The following SLC26A2 variants were observed in gnomAD, a reference collection of about 807,000 sequenced individuals.
SLC26A2 encodes the protein solute carrier family 26 member 2.
In SLC26A2, 36 loss-of-function variants were observed where a neutral mutation model predicts 41.1. That is an observed-to-expected ratio of 0.88 (90% CI 0.67 to 1.16). The LOEUF (loss-of-function observed/expected upper bound fraction) is 1.16, where lower values mean the gene tolerates loss of function less well. SLC26A2 is among the 50% of genes most tolerant of loss of function. The pLI, the probability that SLC26A2 is intolerant of heterozygous loss-of-function variation, is 0.00. For missense variants in SLC26A2, 796 were observed against 869.6 expected (o/e 0.92, Z 1.07); for synonymous variants, 291 against 311.6 (o/e 0.93, Z 0.70).
At chr5:149,970,130 C>A (rs959888328) in intron 1 of SLC26A2, among the ~76,000 whole-genome samples, 1 of 151,948 alleles carries the variant, frequency 6.6e-6, no homozygotes. Flanking sequence ...AAAATAAAGC[C>A]AGATAAGGAT....
chr5:149,980,295 AGCGATGG>A lies in SLC26A2; in HGVS notation c.705_711del (p.Met236SerfsTer16), dbSNP rs386833508. 2 of 1,613,026 alleles carry A rather than the reference AGCGATGG, an allele frequency of 1.2e-6. No homozygotes were observed. Among genetic ancestry groups the A allele is most frequent in the Admixed American group, 3.3e-5 (2 of 60,000 alleles). On this transcript the variant is annotated frameshift_variant, in exon 3 of 3. Coordinates refer to ENST00000286298, the MANE Select transcript of SLC26A2 (RefSeq NM_000112.4). LOFTEE classifies it high-confidence loss of function. ...CACTTCTATATCCTTCCTTCCAGGT[AGCGATGG>A]GCTTCTTTCAAGTGGGTTTTGTTTC...
chr5:149,961,285 C>T (rs181216617), intron 1 of SLC26A2, among the ~76,000 whole-genome samples: 31 of 152,316 alleles, frequency 2.0e-4, no homozygotes, highest in Admixed American at 5.2e-4. Context: ...TTCCAGTCCT[C>T]GTTGATCCGT....
chr5:149,979,490 C>T (rs30831), intron 2 of SLC26A2, among the ~76,000 whole-genome samples: 25,352 of 152,010 alleles, frequency 0.17, 2,576 homozygotes, highest in Middle Eastern at 0.31. Context: ...GTGATCCTCC[C>T]AATATTGCCT....
chr5:149,963,726 A>G (rs1056739490), intron 1 of SLC26A2, among the ~76,000 whole-genome samples: 5 of 125,004 alleles, frequency 4.0e-5, no homozygotes, highest in African/African-American at 6.4e-5. Context: ...GCTATTTTGC[A>G]TATTTGTTTA....
rs201704317 is a variant in SLC26A2, at chr5:149,968,736, T to G, written c.-26+7757T>G. Among the ~76,000 whole-genome samples, 13 of 143,208 alleles carry G rather than the reference T, an allele frequency of 9.1e-5. No individual in the cohort carries two copies. The East Asian group carries it at 2.8e-3, about 31-fold the overall frequency. The allele number at this position is 143,208 out of a possible 152,430, so 94.0% of individuals were successfully genotyped here. ...TGCCCGGCCTCAACTGTCTTTTTTT[T>G]GAGACGGACTCTCGGTCTGTTGCCG... On this transcript the variant is annotated intron_variant, in intron 1 of 2. Coordinates refer to ENST00000286298, the MANE Select transcript of SLC26A2 (RefSeq NM_000112.4).
In SLC26A2 at chr5:149,984,088, G is replaced by A. The variant is rs981675373; in HGVS notation, c.*2275G>A. On this transcript the variant is annotated 3_prime_UTR_variant, in exon 3 of 3. Coordinates refer to ENST00000286298, the MANE Select transcript of SLC26A2 (RefSeq NM_000112.4). ...ATAACAGGATTTGACCTTTACCAGC[G>A]ATTTCTGTCCATATGTGGATGTAAA... 7.9e-5 allele frequency: 12 copies of A among 152,170 alleles called. No individual in the cohort carries two copies. Among genetic ancestry groups the A allele is most frequent in the African/African-American group, 2.4e-4 (10 of 41,440 alleles). 9.4% of individuals were successfully genotyped at this position (152,170 alleles called of 1,614,324 possible). A position where few individuals can be genotyped will look rare whatever the true frequency, so the allele number is the denominator to read the frequency against.
rs370762894 is a variant in SLC26A2, at chr5:149,964,900, AT to A, written c.-26+3929del. Among the ~76,000 whole-genome samples, 942 of 152,276 alleles carry A rather than the reference AT, an allele frequency of 6.2e-3. 4 individuals are homozygous for A. Among genetic ancestry groups the A allele is most frequent in the Non-Finnish European group, 0.01 (705 of 68,020 alleles). ...AGTCCACAGTTATTTCAAAATAAAA[AT>A]TTTTTTTAAATGTAGGTTCAATAAA... On this transcript the variant is annotated intron_variant, in intron 1 of 2. Coordinates refer to ENST00000286298, the MANE Select transcript of SLC26A2 (RefSeq NM_000112.4).
At position 149,984,747 on chromosome 5, in the gene SLC26A2, A is replaced by C. The variant is rs1755166277; in HGVS notation, c.*2934A>C. ...CTTTAAGCATTATTTTAAACACTATATTGATACAAAAATATCTTGCTTACT... is the reference window on the plus strand; with the variant it reads ...CTTTAAGCATTATTTTAAACACTATCTTGATACAAAAATATCTTGCTTACT... On this transcript the variant is annotated 3_prime_UTR_variant, in exon 3 of 3. Transcript: ENST00000286298. The C allele has an allele frequency of 1.3e-5, 2 of 152,262 alleles. No homozygotes were observed. Among genetic ancestry groups the C allele is most frequent in the African/African-American group, 2.4e-5 (1 of 41,472 alleles). 9.4% of individuals were successfully genotyped at this position (152,262 alleles called of 1,614,324 possible). A position where few individuals can be genotyped will look rare whatever the true frequency, so the allele number is the denominator to read the frequency against.
chr5:149,980,882 T>TC lies in SLC26A2; in HGVS notation c.1290dup (p.Phe431LeufsTer7). ...GGCTTTTGTAATATCATCCCTTCCTTCTTCCACTGTTTTACTACTAGTGCA... is the reference window on the plus strand; with the variant it reads ...GGCTTTTGTAATATCATCCCTTCCTTCCTTCCACTGTTTTACTACTAGTGCA... On this transcript the variant is annotated frameshift_variant, in exon 3 of 3. Transcript: ENST00000286298. LOFTEE classifies it high-confidence loss of function. 6.2e-7 allele frequency: 1 copy of TC among 1,614,162 alleles called. No homozygotes were observed. The highest frequency in any genetic ancestry group is 1.1e-5 in the South Asian group (1 of 91,070).
intron 1 of SLC26A2, among the ~76,000 whole-genome samples, chr5:149,975,733 A>T (rs1174721441): frequency 6.6e-6 from 1 of 152,242 alleles, no homozygotes; most frequent in African/African-American, 2.4e-5. Context: ...ACTTTTACAT[A>T]TCTTGTGTTC....
In SLC26A2 at chr5:149,986,279, T is replaced by C. The variant is rs1446656996; in HGVS notation, c.*4466T>C. 6.6e-6 allele frequency: 1 copy of C among 152,206 alleles called. No homozygotes were observed. The highest frequency in any genetic ancestry group is 2.4e-5 in the African/African-American group (1 of 41,462). The allele number at this position is 152,206 out of a possible 1,614,324, so 9.4% of individuals were successfully genotyped here. The stretch of plus-strand genomic sequence containing the variant: ...TAGGCTCCTAATTCGTGGGGTTTTT[T>C]TTTGTAAAAACAGTTTAGATAATCC... On this transcript the variant is annotated 3_prime_UTR_variant, in exon 3 of 3. Coordinates refer to ENST00000286298, the MANE Select transcript of SLC26A2 (RefSeq NM_000112.4).
At position 149,981,394 on chromosome 5, in the gene SLC26A2, A is replaced by G. The variant is rs763259050; in HGVS notation, c.1801A>G (p.Lys601Glu). Residue 601 changes from lysine to glutamate, a missense_variant, in exon 3 of 3, where the codon AAA (lysine) becomes GAA (glutamate). Coordinates refer to ENST00000286298, the MANE Select transcript of SLC26A2 (RefSeq NM_000112.4). The stretch of plus-strand genomic sequence containing the variant: ...AGAATGCTTTAAATCTGCTTTATAC[A>G]AACAAACTGTCAACCCAATCTTAAT... ...NKECFKSALYKQTVNPILIKV... is the reference protein window; with the variant it reads ...NKECFKSALYEQTVNPILIKV... The G allele has an allele frequency of 8.7e-6, 14 of 1,614,030 alleles. No individual in the cohort carries two copies. The South Asian group carries it at 1.2e-4, about 14-fold the overall frequency.
chr5:149,975,487 A>G (rs1754978621), intron 1 of SLC26A2, among the ~76,000 whole-genome samples: 1 of 152,228 alleles, frequency 6.6e-6, no homozygotes, highest in African/African-American at 2.4e-5. Flanking sequence ...GAAATCACCA[A>G]GAGCTCTCCA....
rs6888507 is a variant in SLC26A2, at chr5:149,977,627, G to A, written c.-25-1G>A. On this transcript the variant is annotated splice_acceptor_variant, in intron 1 of 2. Coordinates refer to ENST00000286298, the MANE Select transcript of SLC26A2 (RefSeq NM_000112.4). LOFTEE classifies it low-confidence loss of function (5UTR_SPLICE). Reference sequence around the variant, plus strand: ...GAACACTGGTATTTTCTCTGGTGTAGGAAGCTGAACCATCTATCTCCAGAA... The same window carrying A: ...GAACACTGGTATTTTCTCTGGTGTAAGAAGCTGAACCATCTATCTCCAGAA... 1 of 1,471,372 alleles carries A rather than the reference G, an allele frequency of 6.8e-7. No homozygotes were observed. The highest frequency in any genetic ancestry group is 9.5e-7 in the Non-Finnish European group (1 of 1,050,418). The allele number at this position is 1,471,372 out of a possible 1,614,324, so 91.1% of individuals were successfully genotyped here. A position where few individuals can be genotyped will look rare whatever the true frequency, so the allele number is the denominator to read the frequency against.
chr5:149,977,439 G>A (rs1561818795), intron 1 of SLC26A2, among the ~76,000 whole-genome samples, 189 bp from the exon 2 acceptor site: 1 of 152,190 alleles, frequency 6.6e-6, no homozygotes, highest in Non-Finnish European at 1.5e-5. Flanking sequence ...GCTGTTTAAG[G>A]TCTGGTTCTG....
rs769248385 is a variant in SLC26A2, at chr5:149,980,448, A to C, written c.855A>C (p.Ser285=). The change falls in exon 3 of 3, where the codon TCA becomes TCC. Residue 285 remains serine, a synonymous_variant. Transcript: ENST00000286298. ...LNLPRTNGVG[S]LITTWIHVFR... ...TTCCTCGGACTAATGGTGTGGGCTCACTCATCACTACCTGGATACATGTCT... is the reference window on the plus strand; with the variant it reads ...TTCCTCGGACTAATGGTGTGGGCTCCCTCATCACTACCTGGATACATGTCT... 13 of 1,613,916 alleles carry C rather than the reference A, an allele frequency of 8.1e-6. No individual in the cohort carries two copies. Among genetic ancestry groups the C allele is most frequent in the South Asian group, 4.4e-5 (4 of 91,072 alleles).
rs11274810 is a variant in SLC26A2, at chr5:149,968,828, T to TTGTGCCTCAGCTTGCTGAGTAGC, written c.-26+7870_-26+7892dup. ...CCACCTCCTGGGTTCAAGTGATTCT[T>TTGTGCCTCAGCTTGCTGAGTAGC]TGTGCCTCAGCTTGCTGAGTAGCTG... On this transcript the variant is annotated intron_variant, in intron 1 of 2. Coordinates refer to ENST00000286298, the MANE Select transcript of SLC26A2 (RefSeq NM_000112.4). 1.9e-3 allele frequency among the ~76,000 whole-genome samples: 281 copies of TTGTGCCTCAGCTTGCTGAGTAGC among 151,788 alleles called. 1 individual carries two copies. Among genetic ancestry groups the TTGTGCCTCAGCTTGCTGAGTAGC allele is most frequent in the African/African-American group, 6.2e-3 (257 of 41,296 alleles).
At chr5:149,962,429 C>T (rs773445635) in intron 1 of SLC26A2, among the ~76,000 whole-genome samples, 1 of 151,788 alleles carries the variant, frequency 6.6e-6, no homozygotes, top group African/African-American at 2.4e-5. Context: ...GCATTGACCT[C>T]GTGGGTTCAA....
rs1755170909 is a variant in SLC26A2, at chr5:149,984,913, A to G, written c.*3100A>G. 6.6e-6 allele frequency: 1 copy of G among 152,236 alleles called. No individual in the cohort carries two copies. The highest frequency in any genetic ancestry group is 2.1e-4 in the South Asian group (1 of 4,832). The allele number at this position is 152,236 out of a possible 1,614,324, so 9.4% of individuals were successfully genotyped here. Reference sequence around the variant, plus strand: ...CCTTATTTATTTTTAAGTTTGTTACAGCCAAAGGGTTGGAGTGTGCCAGTG... The same window carrying G: ...CCTTATTTATTTTTAAGTTTGTTACGGCCAAAGGGTTGGAGTGTGCCAGTG... On this transcript the variant is annotated 3_prime_UTR_variant, in exon 3 of 3. Coordinates refer to ENST00000286298, the MANE Select transcript of SLC26A2 (RefSeq NM_000112.4).
Sources: allele counts gnomAD v4.1 joint callset (sites outside exome capture counted in the v4.1 genomes callset), GRCh38; gene constraint gnomAD v4.1.1; transcripts MANE v1.5; gene names NCBI Gene and HGNC (gene_info 2026-07-23, HGNC 2026-07-21).